The following MME variants were observed in gnomAD, a reference collection of about 807,000 sequenced individuals.
The protein encoded by MME is membrane metalloendopeptidase.
Under a neutral mutation model 113.2 loss-of-function variants are expected in MME, and 98 were observed. The ratio of observed to expected loss-of-function variants is 0.87; its 90% CI spans 0.74 to 1.02. The LOEUF is 1.02. Among genes scored for constraint, MME ranks in the 50% least tolerant of loss-of-function variants. MME has a pLI of 0.00. For missense variants in MME, 836 were observed against 896.0 expected (o/e 0.93, Z 0.86); for synonymous variants, 292 against 300.6 (o/e 0.97, Z 0.30).
intron 1 of MME, among the ~76,000 whole-genome samples, chr3:155,068,861 G>A (rs147526114): frequency 0.017 from 2,618 of 152,310 alleles, 43 homozygotes; most frequent in Non-Finnish European, 0.023. Flanking sequence ...GAAAATAAGA[G>A]AATAGAATTT....
At chr3:155,089,745 A>G in intron 3 of MME, 10 of 359,742 alleles carry the variant, frequency 2.8e-5, no homozygotes, top group South Asian at 2.0e-4. Flanking sequence ...TGGGAGGCCA[A>G]GGCGGGTGGA....
chr3:155,144,312 C>A (rs980208962), intron 13 of MME, 47 bp from the exon 14 acceptor site: 1 of 1,269,722 alleles, frequency 7.9e-7, no homozygotes, highest in Non-Finnish European at 1.2e-6. Context: ...ATCTGTGTTA[C>A]AAAGAATGAA....
In MME at chr3:155,172,158, A is replaced by T; in HGVS notation, c.2022A>T (p.Leu674Phe). The T allele has an allele frequency of 6.2e-7, 1 of 1,611,798 alleles. No individual in the cohort carries two copies. Residue 674 changes from leucine to phenylalanine, a missense_variant, in exon 21 of 23, where the codon TTA (leucine) becomes TTT (phenylalanine). Leu to Phe is a conservative substitution (Grantham distance 22). Transcript: ENST00000360490. ...NYIKKNGEEK[L>F]LPGLDLNHKQ... The stretch of plus-strand genomic sequence containing the variant: ...TTAAAAAGAATGGCGAAGAAAAATT[A>T]CTTCCTGGACTTGACCTAAATCACA...
chr3:155,162,944 C>T (rs1722818608), intron 17 of MME, among the ~76,000 whole-genome samples: 1 of 142,210 alleles, frequency 7.0e-6, no homozygotes, highest in African/African-American at 2.7e-5. Flanking sequence ...ACCCAGGAGG[C>T]AGAGGTTGCA....
At chr3:155,137,972 T>G in intron 8 of MME, 130 bp from the exon 9 acceptor site, 2 of 1,039,332 alleles carry the variant, frequency 1.9e-6, no homozygotes, top group Non-Finnish European at 2.9e-6. Flanking sequence ...TTTAAATACT[T>G]AGAAAAGGAT....
At chr3:155,154,808 G>A (rs1054364407) in intron 16 of MME, among the ~76,000 whole-genome samples, 2 of 152,136 alleles carry the variant, frequency 1.3e-5, no homozygotes, top group East Asian at 1.9e-4. Context: ...ATAGTCTCTC[G>A]AGGGTGGGCA....
At chr3:155,176,629 C>T (rs1712544996) in intron 22 of MME, among the ~76,000 whole-genome samples, 1 of 152,046 alleles carries the variant, frequency 6.6e-6, no homozygotes, top group African/African-American at 2.4e-5. Flanking sequence ...AGTTCAAGAC[C>T]AGCTTGGGTG....
intron 3 of MME, among the ~76,000 whole-genome samples, chr3:155,101,582 A>G (rs1387994617): frequency 6.6e-6 from 1 of 152,042 alleles, no homozygotes; most frequent in African/African-American, 2.4e-5. Flanking sequence ...CTTCTGGAAA[A>G]TGAGTTTCTT....
rs917339321 is a variant in MME at position 155,099,267 on chromosome 3, C to A, written c.196+14173C>A. Among the ~76,000 whole-genome samples, 5 of 152,276 alleles carry A rather than the reference C, an allele frequency of 3.3e-5. No homozygotes were observed. In the South Asian group the frequency reaches 6.2e-4, roughly 19 times the overall value. On this transcript the variant is annotated intron_variant, in intron 3 of 22. Coordinates refer to ENST00000360490, the MANE Select transcript of MME (RefSeq NM_007289.4). ...TGTGGGATTCCATTTGATACAATTA[C>A]AAATGAATTCATTTTTACTCATTTT...
chr3:155,081,041 C>T (rs970017549), intron 1 of MME: 2 of 152,200 alleles, frequency 1.3e-5, no homozygotes, highest in Non-Finnish European at 2.9e-5. Context: ...TGGGAAACAC[C>T]TAATTAATGT....
At chr3:155,137,550 C>G (rs1056240320) in intron 8 of MME, among the ~76,000 whole-genome samples, 5 of 151,726 alleles carry the variant, frequency 3.3e-5, no homozygotes, top group Non-Finnish European at 5.9e-5. Flanking sequence ...ACTGAAAATA[C>G]AAAAAATTAG....
chr3:155,099,892 A>G (rs544947382), intron 3 of MME, among the ~76,000 whole-genome samples: 174 of 152,298 alleles, frequency 1.1e-3, no homozygotes, highest in African/African-American at 4.0e-3. Flanking sequence ...AGCATGATTT[A>G]TATTCCTTTG....
At chr3:155,109,594 T>C (rs1191542393) in intron 3 of MME, among the ~76,000 whole-genome samples, 1 of 152,240 alleles carries the variant, frequency 6.6e-6, no homozygotes, top group Non-Finnish European at 1.5e-5. Context: ...TTTTTTGATA[T>C]TGGATCTGTT....
At chr3:155,117,912 G>C (rs1317958874) in intron 7 of MME, among the ~76,000 whole-genome samples, 1 of 152,082 alleles carries the variant, frequency 6.6e-6, no homozygotes, top group Non-Finnish European at 1.5e-5. Context: ...CTCCACAGCT[G>C]CTAGGATTCT....
At chr3:155,134,112 G>A (rs1024050778) in intron 8 of MME, among the ~76,000 whole-genome samples, 10 of 151,946 alleles carry the variant, frequency 6.6e-5, no homozygotes, top group African/African-American at 2.4e-4. Context: ...TGTTACTTTA[G>A]TGATTAGAGT....
chr3:155,027,639 T>C (rs906477317), intron 1 of MME, among the ~76,000 whole-genome samples: 5 of 152,256 alleles, frequency 3.3e-5, no homozygotes, highest in African/African-American at 1.2e-4. Context: ...TTAAATTTCT[T>C]TGTGTTAGGA....
At chr3:155,045,771 A>G (rs565702968) in intron 1 of MME, among the ~76,000 whole-genome samples, 38 of 149,010 alleles carry the variant, frequency 2.6e-4, no homozygotes, top group African/African-American at 8.9e-4. Context: ...ATTTTCTTCA[A>G]CTGACTGTGT....
chr3:155,092,556 A>G (rs918137983), intron 3 of MME, among the ~76,000 whole-genome samples: 2 of 152,222 alleles, frequency 1.3e-5, no homozygotes, highest in Non-Finnish European at 2.9e-5. Flanking sequence ...TTACAGCATA[A>G]TGCTGTTTTT....
At chr3:155,060,837 G>GAC (rs1300816463) in intron 1 of MME, among the ~76,000 whole-genome samples, 2 of 151,490 alleles carry the variant, frequency 1.3e-5, no homozygotes, top group Non-Finnish European at 2.9e-5. Context: ...GGCAGAGAGA[G>GAC]AGAGAGAGAG....
Sources: gnomAD v4.1 joint callset for allele counts (sites outside exome capture counted in the v4.1 genomes callset) on GRCh38, gnomAD v4.1.1 for gene constraint, MANE v1.5 for transcripts, NCBI Gene and HGNC (gene_info 2026-07-23, HGNC 2026-07-21) for gene names.